The following TTC3 variants were observed in gnomAD, a reference collection of about 807,000 sequenced individuals.
TTC3 encodes E3 ubiquitin-protein ligase TTC3.
In TTC3, 180 loss-of-function variants were observed where a neutral mutation model predicts 249.6. The observed-to-expected ratio is 0.72, with a 90% CI of 0.64 to 0.82. The LOEUF (loss-of-function observed/expected upper bound fraction) is 0.82, where lower values mean the gene tolerates loss of function less well. Ranked by LOEUF, TTC3 falls within the 40% of genes least tolerant of loss-of-function variation. The pLI is 0.00. For missense variants in TTC3, 2,061 were observed against 2,398.4 expected (o/e 0.86, Z 2.94); for synonymous variants, 717 against 805.0 (o/e 0.89, Z 1.85).
intron 11 of TTC3, among the ~76,000 whole-genome samples, chr21:37,117,836 AAAAAAAAAAAAAAAAAAG>A (rs2076274164): frequency 1.1e-5 from 1 of 94,270 alleles, no homozygotes. Context: ...GCGCCACTTC[AAAAAAAAAAAAAAAAAAG>A]AAAAAAGAAA....
chr21:37,160,778 C>G (rs59322924), intron 29 of TTC3, 24 bp from the exon 30 acceptor site: 2 of 1,612,040 alleles, frequency 1.2e-6, no homozygotes, highest in East Asian at 4.5e-5. Flanking sequence ...TGAGTGTTCA[C>G]TGATTTTTCC....
Position 37,198,024 on chromosome 21 carries a change from T to TGTCCC in TTC3, c.5849_5850insGTCCC (p.Ile1950MetfsTer55). On this transcript the variant is annotated frameshift_variant and splice_region_variant, in exon 44 of 46. Coordinates refer to ENST00000355666, the Ensembl canonical transcript of TTC3. LOFTEE classifies it high-confidence loss of function. ...AAAGCAGAAGATGTCCCTGTGAGGA[T>TGTCCC]TGTATGTATAACTGTATAGTTTTGT... is the stretch of plus-strand genomic sequence containing the variant. 6.2e-7 allele frequency: 1 copy of TGTCCC among 1,606,832 alleles called. No homozygotes were observed. The highest frequency in any genetic ancestry group is 8.5e-7 in the Non-Finnish European group (1 of 1,177,936).
At chr21:37,138,945 G>A (rs1230828033) in intron 19 of TTC3, among the ~76,000 whole-genome samples, 1 of 152,164 alleles carries the variant, frequency 6.6e-6, no homozygotes, top group African/African-American at 2.4e-5. Context: ...AAATTAGTAT[G>A]TAATGTATCA....
chr21:37,179,656 A>AAC (rs2082576411), intron 35 of TTC3, among the ~76,000 whole-genome samples: 1 of 152,156 alleles, frequency 6.6e-6, no homozygotes, highest in African/African-American at 2.4e-5. Flanking sequence ...GTGATCTTGA[A>AAC]AGTAAGGACT....
intron 33 of TTC3, 41 bp from the exon 34 acceptor site, chr21:37,167,514 G>A (rs201729272): frequency 1.9e-5 from 28 of 1,454,348 alleles, no homozygotes; most frequent in Middle Eastern, 3.5e-4. Flanking sequence ...TTACTAGAGC[G>A]ATTGAGATAA....
chr21:37,176,265 G>A (rs1018100191), intron 35 of TTC3, among the ~76,000 whole-genome samples: 1 of 152,136 alleles, frequency 6.6e-6, no homozygotes, highest in African/African-American at 2.4e-5. Context: ...ATACAATTTA[G>A]TGGTTTTTTG....
At chr21:37,085,776 GA>G (rs1490548752) in intron 1 of TTC3, 1 of 152,188 alleles carries the variant, frequency 6.6e-6, no homozygotes, top group Non-Finnish European at 1.5e-5. Context: ...GAATTTGGAG[GA>G]AAGAGAAAAA....
chr21:37,195,687 T>C (rs2084818154), exon 42 of TTC3: 1 of 1,608,830 alleles, frequency 6.2e-7, no homozygotes, highest in African/African-American at 1.3e-5. Flanking sequence ...TCATCCCGAG[T>C]TACTCCCTGA....
At chr21:37,124,191 C>T (rs995197131) in intron 13 of TTC3, among the ~76,000 whole-genome samples, 3 of 119,380 alleles carry the variant, frequency 2.5e-5, no homozygotes, top group African/African-American at 3.2e-5. Context: ...TCTTGGGTCA[C>T]TGAAACCTCC....
At position 37,150,807 on chromosome 21, in the gene TTC3, G is replaced by C; in HGVS notation, c.2212-13G>C. 6.2e-7 allele frequency: 1 copy of C among 1,603,690 alleles called. No individual in the cohort carries two copies. Among genetic ancestry groups the C allele is most frequent in the South Asian group, 1.1e-5 (1 of 90,040 alleles). ...TATGAGACAAATTTTGGATGTCTTT[G>C]TTTTATTTAAAGTTTGAACACAAGG... On this transcript the variant is annotated splice_polypyrimidine_tract_variant and intron_variant, in intron 24 of 45. Coordinates refer to ENST00000355666, the Ensembl canonical transcript of TTC3.
intron 43 of TTC3, 87 bp downstream of exon 43, chr21:37,197,783 C>T (rs2085080483): frequency 6.6e-7 from 1 of 1,513,616 alleles, no homozygotes. Context: ...CAAACCAAAA[C>T]CTAGAGAGCA....
In TTC3 at chr21:37,152,049, A is replaced by G. The variant is rs771720295; in HGVS notation, c.2413+20A>G. On this transcript the variant is annotated intron_variant, in intron 26 of 45. Transcript: ENST00000355666. The stretch of plus-strand genomic sequence containing the variant: ...AGAAAGGTATGCAGAAGCCAAAGGC[A>G]TGATAAGAATAATATACTCTCATTT... 8.4e-6 allele frequency: 13 copies of G among 1,552,870 alleles called. No individual in the cohort carries two copies. The Admixed American group carries it at 2.0e-4, about 24-fold the overall frequency.
chr21:37,100,782 T>C (rs2074410724), intron 10 of TTC3: 1 of 152,256 alleles, frequency 6.6e-6, no homozygotes, highest in Non-Finnish European at 1.5e-5. Context: ...GACACCTGGC[T>C]TAGAAGATGA....
Position 37,140,417 on chromosome 21 carries a change from AAC to A in TTC3, c.1660-140_1660-139del, listed in dbSNP as rs963419911. On this transcript the variant is annotated intron_variant, in intron 19 of 45. Coordinates refer to ENST00000355666, the Ensembl canonical transcript of TTC3. ...ATTTATATAATTCCTAAGAAAGTGA[AAC>A]ACAGAGGTATAATTTTGCCACAGGA... 14 of 536,004 alleles carry A rather than the reference AAC, an allele frequency of 2.6e-5. No individual in the cohort carries two copies. In the African/African-American group the frequency reaches 2.8e-4, roughly 11 times the overall value. 33.2% of individuals were successfully genotyped at this position (536,004 alleles called of 1,614,324 possible).
intron 19 of TTC3, 100 bp from the exon 20 acceptor site, chr21:37,140,461 T>C: frequency 1.3e-6 from 1 of 783,260 alleles, no homozygotes. Context: ...GGATATGCAG[T>C]TGTTATTTTA....
chr21:37,092,827 T>C (rs908909025), intron 7 of TTC3, among the ~76,000 whole-genome samples: 1 of 152,144 alleles, frequency 6.6e-6, no homozygotes, highest in African/African-American at 2.4e-5. Flanking sequence ...CTTTAAAATA[T>C]CCTTTTTATA....
chr21:37,181,295 A>G (rs553962282), intron 35 of TTC3, among the ~76,000 whole-genome samples: 24 of 152,346 alleles, frequency 1.6e-4, no homozygotes, highest in African/African-American at 5.3e-4. Context: ...ATGCCTCAGC[A>G]TAACCTTGTG....
Position 37,166,635 on chromosome 21 carries a change from G to T in TTC3, c.4401+20G>T. 6.3e-7 allele frequency: 1 copy of T among 1,578,630 alleles called. No homozygotes were observed. The highest frequency in any genetic ancestry group is 8.6e-7 in the Non-Finnish European group (1 of 1,160,928). On this transcript the variant is annotated intron_variant, in intron 33 of 45. Transcript: ENST00000355666. ...ATACAGGTAAGAGTTAAATAGAAAA[G>T]TCTTCTTAATACTGAAGTTAAATTT... is the stretch of plus-strand genomic sequence containing the variant.
Position 37,118,934 on chromosome 21 carries a change from C to G in TTC3, c.901-2883C>G, listed in dbSNP as rs540581509. Among the ~76,000 whole-genome samples, 224 of 152,240 alleles carry G rather than the reference C, an allele frequency of 1.5e-3. 2 individuals carry two copies. Among genetic ancestry groups the G allele is most frequent in the African/African-American group, 4.9e-3 (205 of 41,548 alleles). On this transcript the variant is annotated intron_variant, in intron 11 of 45. Coordinates refer to ENST00000355666, the Ensembl canonical transcript of TTC3. The stretch of plus-strand genomic sequence containing the variant: ...GCATATTTCATGTCTTTAACATATT[C>G]CATCTTTCCTTTCACCTCTTGAACA...
Sources: allele counts gnomAD v4.1 joint callset (sites outside exome capture counted in the v4.1 genomes callset), GRCh38; gene constraint gnomAD v4.1.1; transcripts MANE v1.5; gene names NCBI Gene and HGNC (gene_info 2026-07-23, HGNC 2026-07-21).